The following AUTS2 variants were observed in gnomAD, a reference collection of about 807,000 sequenced individuals.
AUTS2 encodes activator of transcription and developmental regulator AUTS2.
Under a neutral mutation model 112.4 loss-of-function variants are expected in AUTS2, and 17 were observed. That is an observed-to-expected ratio of 0.15 (90% CI 0.10 to 0.23). AUTS2 has a LOEUF of 0.23. Ranked by LOEUF, AUTS2 falls within the 10% of genes least tolerant of loss-of-function variation. The probability of loss-of-function intolerance (pLI) is 1.00; values close to 1 mark genes in which losing one functional copy is unlikely to be tolerated. For synonymous variants in AUTS2, 751 were observed against 702.7 expected, an observed-to-expected ratio of 1.07 and a Z score of -1.09; for missense variants, 1,510 against 1,701.6, an observed-to-expected ratio of 0.89 and a Z score of 1.98.
chr7:70,272,535 A>G (rs1029791869), intron 4 of AUTS2, among the ~76,000 whole-genome samples: 1 of 152,112 alleles, frequency 6.6e-6, no homozygotes, highest in Non-Finnish European at 1.5e-5. Context: ...TCTGTGTACC[A>G]CTAACCTATT....
At chr7:70,686,330 T>C (rs540800175) in intron 5 of AUTS2, among the ~76,000 whole-genome samples, 55 of 152,192 alleles carry the variant, frequency 3.6e-4, no homozygotes, top group Non-Finnish European at 6.9e-4. Context: ...GGTGATGTTA[T>C]GGCCATACTT....
chr7:70,136,652 A>G (rs897567050), intron 4 of AUTS2, among the ~76,000 whole-genome samples: 1 of 152,206 alleles, frequency 6.6e-6, no homozygotes, highest in African/African-American at 2.4e-5. Flanking sequence ...GCTCAGCTTC[A>G]GGTAAGTGAA....
intron 1 of AUTS2, among the ~76,000 whole-genome samples, chr7:69,657,170 G>C (rs941822120): frequency 1.3e-5 from 2 of 152,180 alleles, no homozygotes; most frequent in African/African-American, 4.8e-5. Flanking sequence ...TGACAATTAA[G>C]TCTCAAGACC....
At chr7:69,754,621 T>G (rs1158882271) in intron 1 of AUTS2, among the ~76,000 whole-genome samples, 1 of 152,004 alleles carries the variant, frequency 6.6e-6, no homozygotes, top group Non-Finnish European at 1.5e-5. Flanking sequence ...TGGGGCCTAT[T>G]TAGGTCATCT....
intron 1 of AUTS2, among the ~76,000 whole-genome samples, chr7:69,886,521 A>G (rs1024677995): frequency 6.6e-6 from 1 of 152,202 alleles, no homozygotes; most frequent in Non-Finnish European, 1.5e-5. Flanking sequence ...GTTGCTTTTT[A>G]TACCACTGAA....
At chr7:69,806,415 G>A (rs1165803077) in intron 1 of AUTS2, among the ~76,000 whole-genome samples, 4 of 151,900 alleles carry the variant, frequency 2.6e-5, no homozygotes, top group East Asian at 1.9e-4. Context: ...TATACTTGTT[G>A]AACTGTCTAC....
intron 1 of AUTS2, among the ~76,000 whole-genome samples, chr7:69,678,558 A>G (rs1796666018): frequency 6.6e-6 from 1 of 152,208 alleles, no homozygotes; most frequent in Admixed American, 6.5e-5. Flanking sequence ...TCGTGTACAG[A>G]CAGGCTGAAC....
intron 5 of AUTS2, among the ~76,000 whole-genome samples, chr7:70,632,150 A>G (rs535235390): frequency 3.9e-5 from 6 of 152,278 alleles, no homozygotes; most frequent in African/African-American, 1.4e-4. Context: ...TAGCAACTCC[A>G]GGCTCCAGAG....
intron 1 of AUTS2, among the ~76,000 whole-genome samples, chr7:69,718,817 G>C (rs1798759857): frequency 6.6e-6 from 1 of 152,196 alleles, no homozygotes; most frequent in Non-Finnish European, 1.5e-5. Context: ...AAATGAAATT[G>C]TATAGTGCCC....
chr7:70,050,195 A>G (rs1208955340), intron 2 of AUTS2, among the ~76,000 whole-genome samples: 1 of 151,540 alleles, frequency 6.6e-6, no homozygotes, highest in African/African-American at 2.4e-5. Flanking sequence ...TGTCTCTACT[A>G]AAAATACAAA....
intron 4 of AUTS2, among the ~76,000 whole-genome samples, chr7:70,301,989 G>C (rs1789240698): frequency 6.6e-6 from 1 of 151,998 alleles, no homozygotes; most frequent in South Asian, 2.1e-4. Context: ...TATTGCCCAG[G>C]CTTATCTGGA....
chr7:70,140,082 A>C (rs1456835840), intron 4 of AUTS2, among the ~76,000 whole-genome samples: 1 of 152,172 alleles, frequency 6.6e-6, no homozygotes, highest in Non-Finnish European at 1.5e-5. Context: ...TTGAATTTGC[A>C]TATCTCTATA....
chr7:69,964,849 T>C (rs1797574377), intron 2 of AUTS2, among the ~76,000 whole-genome samples: 1 of 152,070 alleles, frequency 6.6e-6, no homozygotes, highest in African/African-American at 2.4e-5. Flanking sequence ...CCATAATTCC[T>C]GTGAAACCCT....
intron 1 of AUTS2, among the ~76,000 whole-genome samples, chr7:69,759,716 T>C (rs963852036): frequency 1.4e-5 from 2 of 138,960 alleles, no homozygotes; most frequent in Non-Finnish European, 1.5e-5. Context: ...TTATATAATA[T>C]AGCTTTCATA....
chr7:69,643,293 C>G (rs563356038), intron 1 of AUTS2: 1 of 153,226 alleles, frequency 6.5e-6, no homozygotes, highest in South Asian at 2.1e-4. Flanking sequence ...TTGCTCTACT[C>G]TGGTTAAAAG....
chr7:70,454,171 A>G (rs1357987552), intron 5 of AUTS2, among the ~76,000 whole-genome samples: 1 of 152,204 alleles, frequency 6.6e-6, no homozygotes, highest in Non-Finnish European at 1.5e-5. Flanking sequence ...AGTGTGTCAG[A>G]CAAAAAGATC....
chr7:70,158,740 GA>G (rs879582219), intron 4 of AUTS2, among the ~76,000 whole-genome samples: 102 of 148,604 alleles, frequency 6.9e-4, no homozygotes, highest in Non-Finnish European at 1.1e-3. Flanking sequence ...ACTCTTTCAG[GA>G]AAAAAAAAAT....
chr7:70,775,600 CAACAGAGA>C (rs1218177240), intron 13 of AUTS2, among the ~76,000 whole-genome samples: 1 of 151,324 alleles, frequency 6.6e-6, no homozygotes, highest in African/African-American at 2.4e-5. Context: ...TTTATCTCTA[CAACAGAGA>C]AAAGTCAACG....
intron 5 of AUTS2, among the ~76,000 whole-genome samples, chr7:70,572,468 G>A (rs1469594221): frequency 7.8e-6 from 1 of 128,078 alleles, no homozygotes; most frequent in Non-Finnish European, 1.6e-5. Flanking sequence ...GGGGGTGGGG[G>A]TGGGGAGGCA....
Sources: allele counts gnomAD v4.1 joint callset (sites outside exome capture counted in the v4.1 genomes callset), GRCh38; gene constraint gnomAD v4.1.1; transcripts MANE v1.5; gene names NCBI Gene and HGNC (gene_info 2026-07-23, HGNC 2026-07-21).